Variants in COL21A1 observed in about 807,000 individuals in gnomAD.
The protein encoded by COL21A1 is collagen type XXI alpha 1 chain, also known as collagen alpha-1(XXI) chain.
COL21A1 carries 149 observed loss-of-function variants against 137.9 expected under a neutral mutation model. The ratio of observed to expected loss-of-function variants is 1.08; its 90% CI spans 0.95 to 1.24. The LOEUF (loss-of-function observed/expected upper bound fraction) is 1.24, where lower values mean the gene tolerates loss of function less well. Among genes scored for constraint, COL21A1 ranks in the 50% most tolerant of loss-of-function variants. The pLI is 0.00. For synonymous variants in COL21A1, 456 were observed against 391.5 expected (o/e 1.16, Z -1.95); for missense variants, 1,167 against 1,158.4 (o/e 1.01, Z -0.11).
chr6:56,320,688 CATTG>C (rs1401038844), intron 1 of COL21A1, among the ~76,000 whole-genome samples: 1 of 152,136 alleles, frequency 6.6e-6, no homozygotes, highest in Admixed American at 6.6e-5. Flanking sequence ...AATCTCTTTC[CATTG>C]ATATTCATGT....
intron 1 of COL21A1, among the ~76,000 whole-genome samples, chr6:56,368,686 G>A (rs970871720): frequency 5.9e-5 from 9 of 152,226 alleles, no homozygotes; most frequent in Non-Finnish European, 1.2e-4. Flanking sequence ...GCCAGGGAAA[G>A]TTTGTTTATA....
Position 56,182,612 on chromosome 6 carries a change from G to A in COL21A1, c.7C>T (p.His3Tyr). The change falls in exon 2 of 30, where the codon CAC becomes TAC. Residue 3 changes from histidine to tyrosine, a missense_variant. Transcript: ENST00000244728. ...ACCATGCAGAGAAATGTAATATAGT[G>A]AGCCATGTTTCTGTTTTCGTTCTAA... MAHYITFLCMVLV... is the reference protein window; with the variant it reads MAYYITFLCMVLV... 1 of 1,598,160 alleles carries A rather than the reference G, an allele frequency of 6.3e-7. No individual in the cohort carries two copies. The highest frequency in any genetic ancestry group is 8.5e-7 in the Non-Finnish European group (1 of 1,170,916).
intron 16 of COL21A1, among the ~76,000 whole-genome samples, chr6:56,122,808 G>A (rs147305520): frequency 8.5e-5 from 13 of 152,238 alleles, no homozygotes; most frequent in African/African-American, 2.4e-4. Flanking sequence ...GAACTGTGCT[G>A]GGTGATTTGT....
Position 56,301,619 on chromosome 6 carries a change from T to C in COL21A1, c.-39+92352A>G, listed in dbSNP as rs553628936. 2.0e-5 allele frequency among the ~76,000 whole-genome samples: 3 copies of C among 152,300 alleles called. No individual in the cohort carries two copies. In the East Asian group the frequency reaches 5.8e-4, roughly 29 times the overall value. ...TTTTCTCAAAGGGAAGAACTGGAAA[T>C]ATGACAGAGATTACCACTTCACCCT... is the stretch of plus-strand genomic sequence containing the variant. On this transcript the variant is annotated intron_variant, in intron 1 of 28. Transcript: ENST00000370819.
rs148007234 is a variant in COL21A1 at position 56,068,918 on chromosome 6, G to C, written c.2091+128C>G. Reference sequence around the variant, plus strand: ...GGGCTGAACATATTATACATACATCGAATATATAGGGTACTTTATCATTAA... The same window carrying C: ...GGGCTGAACATATTATACATACATCCAATATATAGGGTACTTTATCATTAA... On this transcript the variant is annotated intron_variant, in intron 22 of 29. Coordinates refer to ENST00000244728, the MANE Select transcript of COL21A1 (RefSeq NM_030820.4). 266 of 660,244 alleles carry C rather than the reference G, an allele frequency of 4.0e-4. 1 individual carries two copies. The highest frequency in any genetic ancestry group is 4.0e-3 in the African/African-American group (211 of 53,028). 40.9% of individuals were successfully genotyped at this position (660,244 alleles called of 1,614,324 possible).
At chr6:56,124,179 T>C (rs1772810094) in intron 15 of COL21A1, 60 bp downstream of exon 15, 23 of 1,537,904 alleles carry the variant, frequency 1.5e-5, no homozygotes, top group Non-Finnish European at 1.8e-5. Context: ...TAAAGACAGA[T>C]ACTATAAGAT....
At chr6:56,135,010 A>C (rs1582450656) in intron 12 of COL21A1, among the ~76,000 whole-genome samples, 1 of 152,312 alleles carries the variant, frequency 6.6e-6, no homozygotes, top group Admixed American at 6.5e-5. Flanking sequence ...TCCAAAAACC[A>C]AAAATTAAAG....
At chr6:56,180,261 G>T in intron 2 of COL21A1, 132 bp from the exon 3 acceptor site, 2 of 751,888 alleles carry the variant, frequency 2.7e-6, no homozygotes, top group Non-Finnish European at 4.1e-6. Flanking sequence ...AATATGTTTA[G>T]CTTAATGCTA....
At chr6:56,094,195 C>T (rs1391446812) in intron 17 of COL21A1, among the ~76,000 whole-genome samples, 2 of 152,108 alleles carry the variant, frequency 1.3e-5, no homozygotes, top group South Asian at 2.1e-4. Flanking sequence ...TTGGCAATCT[C>T]GTCAGCTAAA....
intron 1 of COL21A1, among the ~76,000 whole-genome samples, chr6:56,302,573 GTTGT>G (rs1189252317): frequency 2.0e-5 from 3 of 152,050 alleles, no homozygotes; most frequent in Non-Finnish European, 2.9e-5. Flanking sequence ...TTTTGATGGG[GTTGT>G]TTGTTTTTTT....
At chr6:56,132,627 A>G (rs1345302809) in intron 12 of COL21A1, among the ~76,000 whole-genome samples, 1 of 152,188 alleles carries the variant, frequency 6.6e-6, no homozygotes, top group Non-Finnish European at 1.5e-5. Context: ...CTGGCTCTTT[A>G]TTTAGAAAAA....
At chr6:56,233,565 A>G (rs1222485069) in intron 1 of COL21A1, among the ~76,000 whole-genome samples, 1 of 151,822 alleles carries the variant, frequency 6.6e-6, no homozygotes, top group Non-Finnish European at 1.5e-5. Context: ...CCAGATTACA[A>G]TGCAAAAGAA....
intron 1 of COL21A1, among the ~76,000 whole-genome samples, chr6:56,325,628 T>G (rs1582783292): frequency 1.9e-3 from 1 of 514 alleles, no homozygotes; most frequent in Non-Finnish European, 0.019. Context: ...TAATAATCTA[T>G]TATATATAAT....
chr6:56,168,229 A>G lies in COL21A1; in HGVS notation c.1095T>C (p.Ile365=). 6.4e-7 allele frequency: 1 copy of G among 1,574,372 alleles called. No individual in the cohort carries two copies. The highest frequency in any genetic ancestry group is 8.6e-7 in the Non-Finnish European group (1 of 1,157,580). The change falls in exon 6 of 30, where the codon ATT becomes ATC. Residue 365 remains isoleucine (I), a synonymous_variant. Coordinates refer to ENST00000244728, the MANE Select transcript of COL21A1 (RefSeq NM_030820.4). ...GCTTGTTTTCAATTTGTTGGTCATCAATATACAAAGTCACATCTTGTTCTG... is the reference window on the plus strand; with the variant it reads ...GCTTGTTTTCAATTTGTTGGTCATCGATATACAAAGTCACATCTTGTTCTG... ...LVTEQDVTLY[I]DDQQIENKPL...
intron 17 of COL21A1, 68 bp from the exon 18 acceptor site, chr6:56,077,641 G>T: frequency 1.1e-6 from 1 of 900,514 alleles, no homozygotes. Flanking sequence ...AGAAGAAACA[G>T]TCACAATTGG....
At chr6:56,369,814 C>G (rs1488934207) in intron 1 of COL21A1, among the ~76,000 whole-genome samples, 2 of 152,076 alleles carry the variant, frequency 1.3e-5, no homozygotes, top group African/African-American at 4.8e-5. Context: ...CTAATTAAAA[C>G]AGCCACAGTA....
chr6:56,125,712 T>C (rs1773002529), intron 13 of COL21A1, 92 bp from the exon 14 acceptor site: 1 of 787,636 alleles, frequency 1.3e-6, no homozygotes, highest in East Asian at 3.0e-5. Flanking sequence ...AAGAGTTTAA[T>C]ATGCCAAAAG....
intron 1 of COL21A1, among the ~76,000 whole-genome samples, chr6:56,382,380 A>C (rs1266665289): frequency 6.6e-6 from 1 of 152,248 alleles, no homozygotes; most frequent in Non-Finnish European, 1.5e-5. Context: ...AGCGTTATGA[A>C]GAAACGAATA....
rs1188959449 is a variant in COL21A1 at position 56,075,464 on chromosome 6, A to T, written c.1911+15T>A. On this transcript the variant is annotated intron_variant, in intron 19 of 29. Coordinates refer to ENST00000244728, the MANE Select transcript of COL21A1 (RefSeq NM_030820.4). Reference sequence around the variant, plus strand: ...GCAAACACTTTGATGTATGATGATAATGACATCAACATACAGGCATCCCTG... The same window carrying T: ...GCAAACACTTTGATGTATGATGATATTGACATCAACATACAGGCATCCCTG... 1 of 1,531,746 alleles carries T rather than the reference A, an allele frequency of 6.5e-7. No individual in the cohort carries two copies. Among genetic ancestry groups the T allele is most frequent in the South Asian group, 1.2e-5 (1 of 80,256 alleles). 94.9% of individuals were successfully genotyped at this position (1,531,746 alleles called of 1,614,324 possible).
Sources: gnomAD v4.1 joint callset for allele counts (sites outside exome capture counted in the v4.1 genomes callset) on GRCh38, gnomAD v4.1.1 for gene constraint, MANE v1.5 for transcripts, NCBI Gene and HGNC (gene_info 2026-07-23, HGNC 2026-07-21) for gene names.